ALK: variants seen among roughly 807,000 people sequenced by gnomAD.
ALK encodes ALK receptor tyrosine kinase.
In ALK, 74 loss-of-function variants were observed where a neutral mutation model predicts 163.1. The observed-to-expected ratio is 0.45, with a 90% confidence interval of 0.38 to 0.55. The LOEUF (loss-of-function observed/expected upper bound fraction) is 0.55. Ranked by LOEUF, ALK falls within the 20% of genes least tolerant of loss-of-function variation. The probability of loss-of-function intolerance (pLI) is 0.00; values close to 1 mark genes in which losing one functional copy is unlikely to be tolerated. For missense variants in ALK, 2,063 were observed against 2,105.3 expected (o/e 0.98, Z 0.39); for synonymous variants, 960 against 843.2 (o/e 1.14, Z -2.40).
chr2:29,682,984 G>T (rs140822477), intron 3 of ALK, among the ~76,000 whole-genome samples: 1 of 152,072 alleles, frequency 6.6e-6, no homozygotes, highest in African/African-American at 2.4e-5. Context: ...ACAGCATCTC[G>T]CATATTTCCA....
intron 4 of ALK, among the ~76,000 whole-genome samples, chr2:29,492,638 G>T (rs1173859136): frequency 6.6e-6 from 1 of 152,154 alleles, no homozygotes; most frequent in East Asian, 1.9e-4. Flanking sequence ...TAAGAAAAAA[G>T]CCAAGAATAT....
At chr2:29,243,180 G>A (rs1664568399) in intron 12 of ALK, among the ~76,000 whole-genome samples, 2 of 152,214 alleles carry the variant, frequency 1.3e-5, no homozygotes, top group African/African-American at 4.8e-5. Flanking sequence ...GGAGTAGGTT[G>A]AGCCCGGCGA....
chr2:29,759,448 CGTGT>C (rs1558475936), intron 1 of ALK, among the ~76,000 whole-genome samples: 2 of 151,950 alleles, frequency 1.3e-5, no homozygotes, highest in African/African-American at 2.4e-5. Flanking sequence ...TGCGTGCGTG[CGTGT>C]GTGCAAAAGT....
chr2:29,330,583 C>T (rs1667408647), intron 5 of ALK, among the ~76,000 whole-genome samples: 1 of 152,154 alleles, frequency 6.6e-6, no homozygotes, highest in Non-Finnish European at 1.5e-5. Flanking sequence ...AATAGCAGAC[C>T]CCCAAATAGA....
chr2:29,580,419 AGGCCACCGCT>A (rs954463415), intron 3 of ALK, among the ~76,000 whole-genome samples: 17 of 152,162 alleles, frequency 1.1e-4, no homozygotes, highest in African/African-American at 4.1e-4. Flanking sequence ...CCAAACCGCA[AGGCCACCGCT>A]GGCATCTGAG....
intron 3 of ALK, among the ~76,000 whole-genome samples, chr2:29,671,008 T>C (rs1474810967): frequency 6.6e-6 from 1 of 152,072 alleles, no homozygotes; most frequent in Non-Finnish European, 1.5e-5. Context: ...AGTCACTGTA[T>C]TGTTGCTTTG....
At chr2:29,403,595 C>T (rs557330947) in intron 4 of ALK, among the ~76,000 whole-genome samples, 109 of 149,396 alleles carry the variant, frequency 7.3e-4, no homozygotes, top group African/African-American at 2.4e-3. Flanking sequence ...AGGGTGGGGG[C>T]GCTGGCATGC....
rs567326030 is a variant in ALK, at chr2:29,825,055, T to C, written c.667+94938A>G. On this transcript the variant is annotated intron_variant, in intron 1 of 28. Coordinates refer to ENST00000389048, the MANE Select transcript of ALK (RefSeq NM_004304.5). ...AGTGAGTAAGGCTCATGAGATCTGA[T>C]GGTTTTATAAAGAGGAGTTCCCCTG... Among the ~76,000 whole-genome samples the C allele has an allele frequency of 6.4e-4, 97 of 152,302 alleles. 1 individual carries two copies. Among genetic ancestry groups the C allele is most frequent in the African/African-American group, 2.2e-3 (91 of 41,562 alleles).
At position 29,581,313 on chromosome 2, in the gene ALK, G is replaced by A. The variant is rs541289764; in HGVS notation, c.953-49197C>T. Among the ~76,000 whole-genome samples, 39 of 152,278 alleles carry A rather than the reference G, an allele frequency of 2.6e-4. 1 individual carries two copies. The highest frequency in any genetic ancestry group is 7.0e-4 in the African/African-American group (29 of 41,560). The stretch of plus-strand genomic sequence containing the variant: ...TGAGGCAGGAGAATCGCTTGAACCC[G>A]GGAGGTGGAGGTTGCAGTGAGCCGA... On this transcript the variant is annotated intron_variant, in intron 3 of 28. Transcript: ENST00000389048.
chr2:29,235,031 G>C (rs1386957134), intron 13 of ALK, among the ~76,000 whole-genome samples: 3 of 152,342 alleles, frequency 2.0e-5, no homozygotes, highest in East Asian at 3.9e-4. Flanking sequence ...TTCTAATTTA[G>C]ATTCACTTCT....
chr2:29,852,949 A>G (rs1001337694), intron 1 of ALK, among the ~76,000 whole-genome samples: 7 of 151,990 alleles, frequency 4.6e-5, no homozygotes, highest in African/African-American at 1.7e-4. Context: ...TGGACACTGT[A>G]TCAGTCAACA....
At chr2:29,759,855 A>G (rs1680650516) in intron 1 of ALK, among the ~76,000 whole-genome samples, 1 of 152,218 alleles carries the variant, frequency 6.6e-6, no homozygotes, top group Non-Finnish European at 1.5e-5. Context: ...CATGATGTCC[A>G]CTGCTCCTAA....
intron 3 of ALK, among the ~76,000 whole-genome samples, chr2:29,576,894 A>C (rs1674539995): frequency 6.6e-6 from 1 of 151,920 alleles, no homozygotes; most frequent in South Asian, 2.1e-4. Flanking sequence ...GTTGCAGGAA[A>C]ACAAGCTCAG....
chr2:29,674,996 T>C (rs1341618632), intron 3 of ALK, among the ~76,000 whole-genome samples: 1 of 150,984 alleles, frequency 6.6e-6, no homozygotes, highest in Non-Finnish European at 1.5e-5. Flanking sequence ...TGGTAGTTTG[T>C]ATTTCTGTGG....
intron 2 of ALK, among the ~76,000 whole-genome samples, chr2:29,711,215 C>T (rs897898768): frequency 2.6e-5 from 4 of 152,148 alleles, no homozygotes; most frequent in African/African-American, 9.7e-5. Context: ...CCAGCCTCAC[C>T]CCAGGTCCTC....
chr2:29,666,441 C>T (rs1381294566), intron 3 of ALK, among the ~76,000 whole-genome samples: 1 of 152,068 alleles, frequency 6.6e-6, no homozygotes, highest in Admixed American at 6.6e-5. Flanking sequence ...TTGATCAATG[C>T]CCTTGTATCT....
At chr2:29,724,676 A>G (rs181160023) in intron 1 of ALK, among the ~76,000 whole-genome samples, 32 of 152,298 alleles carry the variant, frequency 2.1e-4, no homozygotes, top group Non-Finnish European at 4.3e-4. Context: ...GGCCTGGAAA[A>G]TGAGCGGTTT....
chr2:29,921,181 C>A lies in ALK; in HGVS notation c.-522G>T, dbSNP rs1667994705. ...TTTTGGCTCCTCCAAGCTCTTCTGCCCGGTCTGGGCGGGAACCGAGGGCGG... is the reference window on the plus strand; with the variant it reads ...TTTTGGCTCCTCCAAGCTCTTCTGCACGGTCTGGGCGGGAACCGAGGGCGG... On this transcript the variant is annotated 5_prime_UTR_variant, in exon 1 of 29. Transcript: ENST00000389048. 1.7e-5 allele frequency: 4 copies of A among 235,330 alleles called. 1 individual carries two copies. In the South Asian group the frequency reaches 7.2e-4, roughly 42 times the overall value. The allele number at this position is 235,330 out of a possible 1,614,324, so 14.6% of individuals were successfully genotyped here.
intron 4 of ALK, among the ~76,000 whole-genome samples, chr2:29,488,858 G>A (rs926295171): frequency 6.6e-6 from 1 of 152,106 alleles, no homozygotes; most frequent in Admixed American, 6.5e-5. Context: ...GTCTAAGTTT[G>A]TTACTTTGGT....
Sources: gnomAD v4.1 joint callset for allele counts (sites outside exome capture counted in the v4.1 genomes callset) on GRCh38, gnomAD v4.1.1 for gene constraint, MANE v1.5 for transcripts, NCBI Gene and HGNC (gene_info 2026-07-23, HGNC 2026-07-21) for gene names.